The following SLCO6A1 variants were observed in gnomAD, a reference collection of about 807,000 sequenced individuals.
The protein encoded by SLCO6A1 is solute carrier organic anion transporter family member 6A1.
Under a neutral mutation model 72.7 loss-of-function variants are expected in SLCO6A1, and 65 were observed. The observed-to-expected ratio is 0.89, with a 90% CI of 0.73 to 1.10. The LOEUF (loss-of-function observed/expected upper bound fraction) is 1.10. Ranked by LOEUF, SLCO6A1 falls within the 50% of genes least tolerant of loss-of-function variation. The probability of loss-of-function intolerance (pLI) is 0.00; values close to 1 mark genes in which losing one functional copy is unlikely to be tolerated. For missense variants in SLCO6A1, 874 were observed against 872.6 expected (o/e 1.00, Z -0.02); for synonymous variants, 314 against 298.2 (o/e 1.05, Z -0.55).
At chr5:102,495,264 A>G (rs1393938140) in intron 1 of SLCO6A1, among the ~76,000 whole-genome samples, 1 of 152,234 alleles carries the variant, frequency 6.6e-6, no homozygotes, top group East Asian at 1.9e-4. Context: ...GCAAAGGGGC[A>G]TGAAGAAAAT....
At chr5:102,465,618 T>C (rs971119129) in intron 4 of SLCO6A1, among the ~76,000 whole-genome samples, 4 of 152,014 alleles carry the variant, frequency 2.6e-5, no homozygotes, top group Non-Finnish European at 4.4e-5. Context: ...CCTAGAAGAA[T>C]AAAAATTAGA....
At chr5:102,448,645 T>C (rs1247368112) in intron 6 of SLCO6A1, among the ~76,000 whole-genome samples, 1 of 152,140 alleles carries the variant, frequency 6.6e-6, no homozygotes, top group Non-Finnish European at 1.5e-5. Context: ...TCCTTTTTGA[T>C]TATTGTTGGT....
At chr5:102,421,365 C>A (rs1580394425) in intron 7 of SLCO6A1, among the ~76,000 whole-genome samples, 1 of 152,170 alleles carries the variant, frequency 6.6e-6, no homozygotes, top group African/African-American at 2.4e-5. Context: ...AAGCTAAGAT[C>A]CACTGGCTTG....
intron 7 of SLCO6A1, among the ~76,000 whole-genome samples, chr5:102,424,107 G>A (rs1342956830): frequency 1.3e-5 from 2 of 152,134 alleles, no homozygotes; most frequent in Non-Finnish European, 2.9e-5. Flanking sequence ...GAATCTCTGG[G>A]ACACAGCTAA....
At chr5:102,466,796 T>C (rs1192608598) in intron 4 of SLCO6A1, among the ~76,000 whole-genome samples, 14 of 152,186 alleles carry the variant, frequency 9.2e-5, no homozygotes, top group African/African-American at 2.7e-4. Flanking sequence ...TTTCATATGA[T>C]TGTGGACCAC....
intron 6 of SLCO6A1, among the ~76,000 whole-genome samples, chr5:102,441,980 T>C (rs1749859902): frequency 6.6e-6 from 1 of 152,110 alleles, no homozygotes; most frequent in South Asian, 2.1e-4. Context: ...CTCACAAATG[T>C]TATTTATTCA....
chr5:102,407,595 T>A (rs1747740768), intron 9 of SLCO6A1, among the ~76,000 whole-genome samples: 1 of 152,192 alleles, frequency 6.6e-6, no homozygotes, highest in Non-Finnish European at 1.5e-5. Flanking sequence ...AGAAAGGCTA[T>A]CTTGGATAAA....
chr5:102,463,428 C>T (rs113959619), intron 4 of SLCO6A1, among the ~76,000 whole-genome samples: 2 of 152,050 alleles, frequency 1.3e-5, no homozygotes, highest in African/African-American at 4.8e-5. Context: ...GGGTATCTAC[C>T]CAGAACAAAA....
intron 1 of SLCO6A1, among the ~76,000 whole-genome samples, chr5:102,496,715 T>A (rs2112876719): frequency 6.6e-6 from 1 of 152,342 alleles, no homozygotes; most frequent in East Asian, 1.9e-4. Context: ...CGAATACATA[T>A]TTACTGAGTG....
chr5:102,498,481 G>A lies in SLCO6A1; in HGVS notation c.358+6C>T. The A allele has an allele frequency of 6.2e-7, 1 of 1,607,646 alleles. No individual in the cohort carries two copies. The highest frequency in any genetic ancestry group is 8.5e-7 in the Non-Finnish European group (1 of 1,176,348). On this transcript the variant is annotated splice_donor_region_variant and intron_variant, in intron 1 of 13. Transcript: ENST00000506729. ...CGCCACAACAAACCGCCTCCTTCAG[G>A]CTCACCTTGACATATGAGCAGGATG...
At chr5:102,423,950 GATCTCA>G (rs1174519058) in intron 7 of SLCO6A1, among the ~76,000 whole-genome samples, 1 of 152,170 alleles carries the variant, frequency 6.6e-6, no homozygotes, top group African/African-American at 2.4e-5. Context: ...AACCAAATTA[GATCTCA>G]GGATTAAGAA....
chr5:102,487,753 T>A (rs951452099), intron 1 of SLCO6A1, among the ~76,000 whole-genome samples: 1 of 152,232 alleles, frequency 6.6e-6, no homozygotes, highest in Non-Finnish European at 1.5e-5. Context: ...ACTTCATTTT[T>A]CAAGAAATGC....
intron 12 of SLCO6A1, among the ~76,000 whole-genome samples, chr5:102,374,366 A>C (rs1291249660): frequency 1.3e-5 from 2 of 152,122 alleles, no homozygotes; most frequent in East Asian, 3.9e-4. Flanking sequence ...GGGTACCCCT[A>C]ACATAGCTTA....
In SLCO6A1 at chr5:102,458,474, C is replaced by T. The variant is rs746868936; in HGVS notation, c.1039G>A (p.Ala347Thr). The part of the protein sequence containing the change: ...NNMPGSTRIK[A>T]RKRKQLHFFD... The stretch of plus-strand genomic sequence containing the variant: ...AAATGAAGCTGTTTACGTTTCCTAG[C>T]TTTTATCCGTGTTGAACCTATATAT... Residue 347 changes from alanine (A) to threonine (T), a missense_variant, in exon 6 of 14, where the codon GCT becomes ACT. Coordinates refer to ENST00000506729, the MANE Select transcript of SLCO6A1 (RefSeq NM_173488.5). The T allele has an allele frequency of 1.9e-6, 3 of 1,612,056 alleles. No individual in the cohort carries two copies. Among genetic ancestry groups the T allele is most frequent in the Non-Finnish European group, 1.7e-6 (2 of 1,179,052 alleles).
At chr5:102,411,601 T>TC (rs1053519558) in intron 9 of SLCO6A1, among the ~76,000 whole-genome samples, 9 of 151,286 alleles carry the variant, frequency 5.9e-5, no homozygotes, top group African/African-American at 2.2e-4. Flanking sequence ...CTCTGATTTT[T>TC]TTTTTTTTAA....
chr5:102,447,920 G>C (rs1025719609), intron 6 of SLCO6A1, among the ~76,000 whole-genome samples: 2 of 151,816 alleles, frequency 1.3e-5, no homozygotes, highest in Admixed American at 1.3e-4. Flanking sequence ...GCTACCTTTG[G>C]AGTTGGTTTG....
At chr5:102,427,864 ATTTTTTTTTT>A (rs1200200259) in intron 7 of SLCO6A1, among the ~76,000 whole-genome samples, 12 of 76,272 alleles carry the variant, frequency 1.6e-4, no homozygotes, top group Middle Eastern at 0.011. Flanking sequence ...ATATATATAT[ATTTTTTTTTT>A]TTTTTTTTTT....
chr5:102,481,985 C>A (rs1370004399), intron 1 of SLCO6A1, among the ~76,000 whole-genome samples: 1 of 152,082 alleles, frequency 6.6e-6, no homozygotes, highest in Non-Finnish European at 1.5e-5. Context: ...TTTCAGCAGA[C>A]CAATACCAGC....
At chr5:102,428,724 T>C (rs1456984959) in intron 7 of SLCO6A1, among the ~76,000 whole-genome samples, 4 of 151,722 alleles carry the variant, frequency 2.6e-5, no homozygotes, top group Non-Finnish European at 4.4e-5. Context: ...TTAGCTTCCA[T>C]GTCTTTGCTA....
Sources: allele counts gnomAD v4.1 joint callset (sites outside exome capture counted in the v4.1 genomes callset), GRCh38; gene constraint gnomAD v4.1.1; transcripts MANE v1.5; gene names NCBI Gene and HGNC (gene_info 2026-07-23, HGNC 2026-07-21).